DOCK1: variants seen among roughly 807,000 people sequenced by gnomAD.
The protein encoded by DOCK1 is dedicator of cytokinesis 1, also known as dedicator of cytokinesis protein 1.
DOCK1 carries 138 observed loss-of-function variants against 262.7 expected under a neutral mutation model. The ratio of observed to expected loss-of-function variants is 0.53; its 90% CI spans 0.46 to 0.61. The LOEUF is 0.61. DOCK1 is among the 20% of genes least tolerant of loss of function. The pLI is 0.00. For synonymous variants in DOCK1, 866 were observed against 867.4 expected, an observed-to-expected ratio of 1.00 and a Z score of 0.03; for missense variants, 1,908 against 2,370.7, an observed-to-expected ratio of 0.80 and a Z score of 4.05.
chr10:127,348,838 C>T (rs1003077535), intron 31 of DOCK1, among the ~76,000 whole-genome samples: 14 of 152,138 alleles, frequency 9.2e-5, no homozygotes, highest in Non-Finnish European at 1.8e-4. Flanking sequence ...CCATGCATGC[C>T]GTTTTGCAGC....
At chr10:127,400,442 T>A (rs909979803) in intron 38 of DOCK1, among the ~76,000 whole-genome samples, 1 of 152,180 alleles carries the variant, frequency 6.6e-6, no homozygotes, top group South Asian at 2.1e-4. Flanking sequence ...TGGACTCTTT[T>A]CAAATCCATC....
At chr10:127,011,972 A>C (rs1413528749) in intron 11 of DOCK1, among the ~76,000 whole-genome samples, 1 of 152,130 alleles carries the variant, frequency 6.6e-6, no homozygotes, top group African/African-American at 2.4e-5. Context: ...ATGGAGATGC[A>C]GTGGAGGCCT....
chr10:127,384,987 CGT>C (rs2066028205), intron 38 of DOCK1, 78 bp downstream of exon 38: 1 of 1,380,030 alleles, frequency 7.2e-7, no homozygotes, highest in African/African-American at 1.5e-5. Context: ...CGTTTTTTAG[CGT>C]GTGATTTTTG....
intron 23 of DOCK1, among the ~76,000 whole-genome samples, chr10:127,065,004 T>A (rs1341397687): frequency 6.6e-6 from 1 of 152,108 alleles, no homozygotes; most frequent in Non-Finnish European, 1.5e-5. Flanking sequence ...TGTCCTTTTG[T>A]GTCTGGCTTT....
chr10:126,993,914 T>A (rs2039986142), intron 6 of DOCK1, among the ~76,000 whole-genome samples: 1 of 152,256 alleles, frequency 6.6e-6, no homozygotes, highest in Non-Finnish European at 1.5e-5. Context: ...AGACTCGAAG[T>A]CTCAGGGTAG....
chr10:127,165,136 G>A (rs558835537), intron 27 of DOCK1, among the ~76,000 whole-genome samples: 9 of 152,300 alleles, frequency 5.9e-5, no homozygotes, highest in South Asian at 4.1e-4. Context: ...CTGTCACAGA[G>A]GTTCGAATTT....
intron 1 of DOCK1, among the ~76,000 whole-genome samples, chr10:126,929,330 G>A (rs975962951): frequency 5.9e-5 from 9 of 152,144 alleles, no homozygotes; most frequent in Admixed American, 1.3e-4. Context: ...ACCCCTTAGT[G>A]TTTTCATGAG....
intron 10 of DOCK1, chr10:127,007,697 G>A (rs1346532159): frequency 1.3e-5 from 2 of 152,222 alleles, no homozygotes; most frequent in African/African-American, 4.8e-5. Context: ...AGCCTTTCTT[G>A]TGATGTTAGC....
intron 40 of DOCK1, among the ~76,000 whole-genome samples, chr10:127,407,927 C>T (rs2067613058): frequency 1.3e-5 from 2 of 152,074 alleles, no homozygotes; most frequent in South Asian, 4.1e-4. Context: ...GAGACAGCCC[C>T]AGATGGGACA....
chr10:126,970,224 T>G (rs1320779410), intron 1 of DOCK1, among the ~76,000 whole-genome samples: 2 of 152,230 alleles, frequency 1.3e-5, no homozygotes, highest in Non-Finnish European at 2.9e-5. Context: ...AGACATTTCT[T>G]GCTTATCATT....
At chr10:127,339,695 TTGTGTGTGTG>T (rs112206811) in intron 30 of DOCK1, among the ~76,000 whole-genome samples, 2 of 109,858 alleles carry the variant, frequency 1.8e-5, no homozygotes, top group South Asian at 4.0e-4. Flanking sequence ...CTGGCCTGAT[TTGTGTGTGTG>T]TGTGTGTGTG....
chr10:127,292,831 G>A (rs2061390437), intron 29 of DOCK1, among the ~76,000 whole-genome samples: 1 of 152,180 alleles, frequency 6.6e-6, no homozygotes. Context: ...ATGATGTGAA[G>A]TGACATTCAA....
intron 27 of DOCK1, among the ~76,000 whole-genome samples, chr10:127,211,058 C>T (rs571293219): frequency 1.3e-5 from 2 of 152,206 alleles, no homozygotes; most frequent in African/African-American, 4.8e-5. Flanking sequence ...ATGTACGTTA[C>T]GGTACTGTTA....
intron 37 of DOCK1, among the ~76,000 whole-genome samples, chr10:127,383,974 A>G (rs1195497555): frequency 1.3e-5 from 2 of 151,936 alleles, no homozygotes; most frequent in Non-Finnish European, 2.9e-5. Context: ...AGAGTGCAGT[A>G]GCCTGGTCCT....
chr10:127,366,687 G>A (rs1400738169), intron 33 of DOCK1, among the ~76,000 whole-genome samples: 1 of 152,154 alleles, frequency 6.6e-6, no homozygotes, highest in Non-Finnish European at 1.5e-5. Context: ...GTGGGCGAAT[G>A]TGTAGAGTGG....
At position 127,122,759 on chromosome 10, in the gene DOCK1, A is replaced by T. The variant is rs966226946; in HGVS notation, c.2624-2715A>T. Among the ~76,000 whole-genome samples, 4 of 152,230 alleles carry T rather than the reference A, an allele frequency of 2.6e-5. No homozygotes were observed. The East Asian group carries it at 7.7e-4, about 29-fold the overall frequency. ...GAGAGGCTGGATAGCAAACAGGTGA[A>T]GGTAGCGCAGTCCTCCAGGTGGGGT... On this transcript the variant is annotated intron_variant, in intron 25 of 51. Coordinates refer to ENST00000623213, the MANE Select transcript of DOCK1 (RefSeq NM_001290223.2).
intron 11 of DOCK1, among the ~76,000 whole-genome samples, chr10:127,009,683 A>T (rs1246038926): frequency 6.6e-6 from 1 of 152,108 alleles, no homozygotes; most frequent in Non-Finnish European, 1.5e-5. Flanking sequence ...TTTATTCTTA[A>T]TCGACTTCAG....
chr10:127,077,528 C>T (rs1050123038), intron 23 of DOCK1, among the ~76,000 whole-genome samples: 26 of 152,126 alleles, frequency 1.7e-4, no homozygotes, highest in African/African-American at 5.6e-4. Context: ...TTTTAATATA[C>T]GTGCGCTTTT....
chr10:127,124,265 T>G (rs1006959397), intron 25 of DOCK1, among the ~76,000 whole-genome samples: 3 of 152,248 alleles, frequency 2.0e-5, no homozygotes, highest in African/African-American at 7.2e-5. Flanking sequence ...TTAATGTATC[T>G]TTAATGTTGT....
Sources: allele counts gnomAD v4.1 joint callset (sites outside exome capture counted in the v4.1 genomes callset), GRCh38; gene constraint gnomAD v4.1.1; transcripts MANE v1.5; gene names NCBI Gene and HGNC (gene_info 2026-07-23, HGNC 2026-07-21).